Variants in SPTBN5 observed in about 807,000 individuals in gnomAD.
SPTBN5 encodes the protein spectrin beta, non-erythrocytic 5.
In SPTBN5, 513 loss-of-function variants were observed where a neutral mutation model predicts 477.6. That is an observed-to-expected ratio of 1.07 (90% CI 1.00 to 1.16). SPTBN5 has a LOEUF of 1.16. Among genes scored for constraint, SPTBN5 ranks in the 50% most tolerant of loss-of-function variants. The pLI is 0.00. For synonymous variants in SPTBN5, 2,169 were observed against 2,011.7 expected (o/e 1.08, Z -2.09); for missense variants, 5,062 against 4,731.8 (o/e 1.07, Z -2.05).
rs760093737 is a variant in SPTBN5 at position 41,856,958 on chromosome 15, G to A, written c.8703C>T (p.Asp2901=). The A allele has an allele frequency of 6.3e-6, 10 of 1,594,174 alleles. No homozygotes were observed. In the East Asian group the frequency reaches 1.1e-4, roughly 18 times the overall value. Reference sequence around the variant, plus strand: ...GCACCCAGGCCATTTCCTCGTCGGCGTCCCTGAAGAACTTCAAGAGGAGGC... The same window carrying A: ...GCACCCAGGCCATTTCCTCGTCGGCATCCCTGAAGAACTTCAAGAGGAGGC... The part of the protein sequence containing the change: ...ARSLLLKFFR[D]ADEEMAWVQE... The change falls in exon 52 of 68, where the codon GAC becomes GAT. Residue 2901 remains aspartate (D), a synonymous_variant. Transcript: ENST00000320955.
Position 41,886,328 on chromosome 15 carries a change from G to C in SPTBN5, c.927C>G (p.Thr309=). The C allele has an allele frequency of 3.1e-6, 5 of 1,611,288 alleles. No individual in the cohort carries two copies. The highest frequency in any genetic ancestry group is 4.2e-6 in the Non-Finnish European group (5 of 1,178,702). The part of the protein sequence containing the change: ...LQLQETELLQ[T]QYEQLVADLL... Reference sequence around the variant, plus strand: ...GGTCAGCCACCAGCTGCTCGTACTGGGTCTGCAGCAGCTCTGTCTCCTGGA... The same window carrying C: ...GGTCAGCCACCAGCTGCTCGTACTGCGTCTGCAGCAGCTCTGTCTCCTGGA... Residue 309 remains threonine (T), a synonymous_variant, in exon 7 of 68, where the codon ACC becomes ACG. Coordinates refer to ENST00000320955, the MANE Select transcript of SPTBN5 (RefSeq NM_016642.4).
rs747325842 is a variant in SPTBN5 at position 41,887,243 on chromosome 15, CT to C, written c.857del (p.Gln286ArgfsTer139). ...LYYHYCSRLHQGQTVQRRLTK... is the reference protein window; with the variant it reads ...LYYHYCSRLHXGQTVQRRLTK... The stretch of plus-strand genomic sequence containing the variant: ...TGAGTCTCCTCTGGACAGTCTGCCC[CT>C]GATGCAGGCGGGAGCAGTAGTGGTA... On this transcript the variant is annotated frameshift_variant, in exon 6 of 68. Transcript: ENST00000320955. LOFTEE classifies it high-confidence loss of function. 1.2e-5 allele frequency: 18 copies of C among 1,551,450 alleles called. No homozygotes were observed. The highest frequency in any genetic ancestry group is 1.6e-5 in the Non-Finnish European group (18 of 1,146,988).
chr15:41,862,571 G>A lies in SPTBN5; in HGVS notation c.7353C>T (p.Ser2451=), dbSNP rs1380039849. 26 of 1,560,598 alleles carry A rather than the reference G, an allele frequency of 1.7e-5. No homozygotes were observed. The highest frequency in any genetic ancestry group is 1.9e-4 in the Middle Eastern group (1 of 5,334). ...LRHRQQEVAE[S]WWQLRSRAQK... ...GGGCCCTGCTCCGGAGCTGCCACCA[G>A]CTCTCAGCCACCTCCTGCTGCCTGT... Residue 2451 remains serine (S), a synonymous_variant, in exon 43 of 68, where the codon AGC becomes AGT. Coordinates refer to ENST00000320955, the MANE Select transcript of SPTBN5 (RefSeq NM_016642.4).
rs753785974 is a variant in SPTBN5 at position 41,848,585 on chromosome 15, C to T, written c.*31G>A. Reference sequence around the variant, plus strand: ...CCTTAGATGTGTCCTCGCTTGTGCCCCTGAAGTTTGGTGTTGCACTGGGGT... The same window carrying T: ...CCTTAGATGTGTCCTCGCTTGTGCCTCTGAAGTTTGGTGTTGCACTGGGGT... On this transcript the variant is annotated 3_prime_UTR_variant, in exon 68 of 68. Coordinates refer to ENST00000320955, the MANE Select transcript of SPTBN5 (RefSeq NM_016642.4). 3 of 1,613,724 alleles carry T rather than the reference C, an allele frequency of 1.9e-6. No homozygotes were observed. Among genetic ancestry groups the T allele is most frequent in the South Asian group, 1.1e-5 (1 of 91,066 alleles).
Position 41,876,654 on chromosome 15 carries a change from G to A in SPTBN5, c.3852-7C>T. The A allele has an allele frequency of 6.8e-7, 1 of 1,474,358 alleles. No homozygotes were observed. 91.3% of individuals were successfully genotyped at this position (1,474,358 alleles called of 1,614,324 possible). A position where few individuals can be genotyped will look rare whatever the true frequency, so the allele number is the denominator to read the frequency against. On this transcript the variant is annotated splice_polypyrimidine_tract_variant and splice_region_variant and intron_variant, in intron 19 of 67. Transcript: ENST00000320955. ...CTGCAGCTGCTCTCTGACCCTGGAG[G>A]GCGGGGGGGGGTTGGAGGAGGGCAT... is the stretch of plus-strand genomic sequence containing the variant.
At position 41,866,175 on chromosome 15, in the gene SPTBN5, G is replaced by A. The variant is rs56198158; in HGVS notation, c.6685C>T (p.Arg2229Trp). 0.052 allele frequency: 81,989 copies of A among 1,571,970 alleles called. 2,419 individuals carry two copies. Among genetic ancestry groups the A allele is most frequent in the Non-Finnish European group, 0.061 (70,798 of 1,160,284 alleles). The change falls in exon 38 of 68, where the codon CGG becomes TGG. Residue 2229 changes from arginine to tryptophan, a missense_variant. Physicochemically the swap from Arg to Trp is moderately radical, Grantham distance 101 (BLOSUM62 -3). Coordinates refer to ENST00000320955, the MANE Select transcript of SPTBN5 (RefSeq NM_016642.4). ...CAGTGCTTCCGCAGGCCCTGCAGCCGCTGGGAGACCTCTCCGGCTCGAGGG... is the reference window on the plus strand; with the variant it reads ...CAGTGCTTCCGCAGGCCCTGCAGCCACTGGGAGACCTCTCCGGCTCGAGGG... ...SHPRAGEVSQ[R>W]LQGLRKHWED...
In SPTBN5 at chr15:41,886,078, G is replaced by T; in HGVS notation, c.1177C>A (p.Leu393Ile). The T allele has an allele frequency of 6.2e-7, 1 of 1,601,348 alleles. No homozygotes were observed. ...RPFLPHEGLG[L>I]AELSQCWAGL... is the part of the protein sequence containing the mutation. ...GCCCAGCACTGGGACAGCTCTGCAA[G>T]GCCCAGGCCCTCATGAGGCAGGAAG... Residue 393 changes from leucine (L) to isoleucine (I), a missense_variant, in exon 7 of 68, where the codon CTT (leucine) becomes ATT (isoleucine). Coordinates refer to ENST00000320955, the MANE Select transcript of SPTBN5 (RefSeq NM_016642.4).
Position 41,887,977 on chromosome 15 carries a change from G to C in SPTBN5, c.610C>G (p.Arg204Gly), listed in dbSNP as rs184966743. 1 of 1,607,406 alleles carries C rather than the reference G, an allele frequency of 6.2e-7. No homozygotes were observed. ...YTNVNITDFS[R>G]SWSDGLGFNA... is the part of the protein sequence containing the mutation. Reference sequence around the variant, plus strand: ...AAGCCCAGCCCATCGCTCCAGCTTCGGGAGAAATCTGTAATGTTCACGTTG... The same window carrying C: ...AAGCCCAGCCCATCGCTCCAGCTTCCGGAGAAATCTGTAATGTTCACGTTG... The change falls in exon 5 of 68, where the codon CGA (arginine) becomes GGA (glycine). Residue 204 changes from arginine to glycine, a missense_variant. By Grantham distance (125) the Arg-to-Gly change is moderately radical. Coordinates refer to ENST00000320955, the MANE Select transcript of SPTBN5 (RefSeq NM_016642.4).
intron 22 of SPTBN5, 34 bp from the exon 23 acceptor site, chr15:41,875,090 C>T (rs1304548835): frequency 1.3e-6 from 2 of 1,569,664 alleles, no homozygotes; most frequent in Admixed American, 3.6e-5. Context: ...ATTAGGTTCT[C>T]TGTGTACAGC....
rs55649878 is a variant in SPTBN5 at position 41,858,603 on chromosome 15, C to G, written c.8225G>C (p.Arg2742Pro). ...ACCCTCCTGCCTGCAGGGCCTCACC[C>G]GCTGCAGCTCCTGCTGTTGGTGCAT... ...ASMHQQQELQ[R>P]EGQRLLQGGH... The change falls in exon 49 of 68, where the codon CGG becomes CCG. Residue 2742 changes from arginine to proline, a missense_variant and splice_region_variant. By Grantham distance (103) the Arg-to-Pro change is moderately radical. Transcript: ENST00000320955. The G allele has an allele frequency of 3.1e-6, 5 of 1,609,792 alleles. No homozygotes were observed. In the Admixed American group the frequency reaches 8.4e-5, roughly 27 times the overall value.
In SPTBN5 at chr15:41,878,947, TC is replaced by T. The variant is rs775161313; in HGVS notation, c.3182+312del. On this transcript the variant is annotated intron_variant, in intron 16 of 67. Transcript: ENST00000320955. ...CAGGCATGGTGGTGGGCGCCTGTAG[TC>T]CCAGCTACTTGGGAGGCTGAGGCAG... Among the ~76,000 whole-genome samples the T allele has an allele frequency of 2.6e-5, 4 of 152,210 alleles. No homozygotes were observed. The South Asian group carries it at 8.3e-4, about 32-fold the overall frequency.
intron 39 of SPTBN5, among the ~76,000 whole-genome samples, chr15:41,865,505 A>G (rs1411599868): frequency 6.6e-6 from 1 of 152,166 alleles, no homozygotes; most frequent in Non-Finnish European, 1.5e-5. Flanking sequence ...TTCAGATTTT[A>G]TTAGTTTTTG....
At position 41,890,151 on chromosome 15, in the gene SPTBN5, T is replaced by C. The variant is rs372847962; in HGVS notation, c.439A>G (p.Ile147Val). The change falls in exon 4 of 68, where the codon ATC becomes GTC. Residue 147 changes from isoleucine to valine, a missense_variant. Physicochemically the swap from Ile to Val is conservative, Grantham distance 29 (BLOSUM62 3). Coordinates refer to ENST00000320955, the MANE Select transcript of SPTBN5 (RefSeq NM_016642.4). ...ATGATGACCCAGATGAGTCCCAGGA[T>C]GAGTGTCTGGTCTCCGTCCACGATG... ...ENIVDGDQTL[I>V]LGLIWVIILR... 2.9e-5 allele frequency: 47 copies of C among 1,613,424 alleles called. No individual in the cohort carries two copies. In the African/African-American group the frequency reaches 6.3e-4, roughly 22 times the overall value.
chr15:41,892,243 A>C (rs1227332947), intron 3 of SPTBN5, among the ~76,000 whole-genome samples: 1 of 151,986 alleles, frequency 6.6e-6, no homozygotes, highest in African/African-American at 2.4e-5. Flanking sequence ...AGGGACAGCC[A>C]CCTCCAGGAG....
In SPTBN5 at chr15:41,866,974, G is replaced by T; in HGVS notation, c.6465C>A (p.Thr2155=). 6.4e-7 allele frequency: 1 copy of T among 1,574,318 alleles called. No homozygotes were observed. ...LHASLLMASF[T]QAATQAEDWI... ...GCCCTCTGACCTGGGTTGCGGCCTG[G>T]GTGAAGCTGGCCATCAGCAGGGAGG... The change falls in exon 36 of 68, where the codon ACC becomes ACA. Residue 2155 remains threonine (T), a synonymous_variant. Coordinates refer to ENST00000320955, the MANE Select transcript of SPTBN5 (RefSeq NM_016642.4).
intron 3 of SPTBN5, among the ~76,000 whole-genome samples, chr15:41,891,232 A>G (rs1430870276): frequency 6.6e-6 from 1 of 152,226 alleles, no homozygotes; most frequent in African/African-American, 2.4e-5. Flanking sequence ...ATCAGTAAGT[A>G]CTGAATGGAG....
rs756163935 is a variant in SPTBN5, at chr15:41,855,597, C to G, written c.9170G>C (p.Arg3057Pro). 1 of 1,611,790 alleles carries G rather than the reference C, an allele frequency of 6.2e-7. No homozygotes were observed. Among genetic ancestry groups the G allele is most frequent in the Non-Finnish European group, 8.5e-7 (1 of 1,179,762 alleles). Residue 3057 changes from arginine to proline, a missense_variant, in exon 54 of 68, where the codon CGG becomes CCG. By Grantham distance (103) the Arg-to-Pro change is moderately radical. Transcript: ENST00000320955. ...DLEAFSPRIE[R>P]LQQTAALLES... ...CAGGAGTGCTGCTGTCTGCTGCAGC[C>G]GCTCGATGCGTGGGCTGAACGCTTC... is the stretch of plus-strand genomic sequence containing the variant.
At chr15:41,890,927 A>T (rs930831986) in intron 3 of SPTBN5, among the ~76,000 whole-genome samples, 1 of 152,234 alleles carries the variant, frequency 6.6e-6, no homozygotes, top group Non-Finnish European at 1.5e-5. Flanking sequence ...CATAGCTCCA[A>T]GGCCCATGGG....
intron 45 of SPTBN5, 29 bp downstream of exon 45, chr15:41,861,706 A>T (rs1381298135): frequency 6.6e-7 from 1 of 1,525,180 alleles, no homozygotes. Flanking sequence ...GGGGGGCAAG[A>T]TGCAGGCTGG....
Sources: gnomAD v4.1 joint callset for allele counts (sites outside exome capture counted in the v4.1 genomes callset) on GRCh38, gnomAD v4.1.1 for gene constraint, MANE v1.5 for transcripts, NCBI Gene and HGNC (gene_info 2026-07-23, HGNC 2026-07-21) for gene names.